Variants in MYLK3 observed in about 807,000 individuals in gnomAD.
MYLK3 encodes the protein myosin light chain kinase 3.
A neutral mutation model predicts 76.3 loss-of-function variants in MYLK3; 55 were observed. The ratio of observed to expected loss-of-function variants is 0.72; its 90% CI spans 0.58 to 0.90. The LOEUF (loss-of-function observed/expected upper bound fraction) is 0.90. Among genes scored for constraint, MYLK3 ranks in the 40% least tolerant of loss-of-function variants. The pLI is 0.00. For synonymous variants in MYLK3, 416 were observed against 425.4 expected, an observed-to-expected ratio of 0.98 and a Z score of 0.27; for missense variants, 973 against 1,053.6, an observed-to-expected ratio of 0.92 and a Z score of 1.06.
chr16:46,736,781 G>A (rs1294025631), intron 3 of MYLK3, among the ~76,000 whole-genome samples: 4 of 152,196 alleles, frequency 2.6e-5, no homozygotes, highest in East Asian at 3.9e-4. Flanking sequence ...CTAGGCAGGC[G>A]CAGAAGATGC....
intron 1 of MYLK3, among the ~76,000 whole-genome samples, chr16:46,758,401 G>C (rs151309458): frequency 6.6e-6 from 1 of 150,580 alleles, no homozygotes; most frequent in Admixed American, 6.6e-5. Context: ...CAGGGCTGTC[G>C]GCTTCTGTAC....
At chr16:46,730,804 G>A in intron 4 of MYLK3, 106 bp from the exon 5 acceptor site, 1 of 888,592 alleles carries the variant, frequency 1.1e-6, no homozygotes, top group Non-Finnish European at 1.9e-6. Context: ...CAGGCCCTAT[G>A]TACAGCCCTG....
At chr16:46,735,458 G>A (rs183289382) in intron 3 of MYLK3, among the ~76,000 whole-genome samples, 1 of 152,158 alleles carries the variant, frequency 6.6e-6, no homozygotes, top group East Asian at 1.9e-4. Flanking sequence ...CGCCCGCCTC[G>A]GCCTCCCAAA....
In MYLK3 at chr16:46,727,371, G is replaced by A. The variant is rs755341155; in HGVS notation, c.1779C>T (p.Asp593=). 69 of 1,607,614 alleles carry A rather than the reference G, an allele frequency of 4.3e-5. No homozygotes were observed. Among genetic ancestry groups the A allele is most frequent in the South Asian group, 1.4e-4 (13 of 90,624 alleles). ...HSCTLVMEYV[D]GGELFDRITD... is the part of the protein sequence containing the mutation. ...TGATCCGGTCGAAGAGCTCACCCCC[G>A]TCCACGCTGCCAGAGCAAAGGGAGA... Residue 593 remains aspartate, a synonymous_variant, in exon 8 of 13, where the codon GAC becomes GAT. Coordinates refer to ENST00000394809, the MANE Select transcript of MYLK3 (RefSeq NM_182493.3).
At chr16:46,711,078 C>T in intron 10 of MYLK3, 1 of 415,386 alleles carries the variant, frequency 2.4e-6, no homozygotes, top group Admixed American at 3.8e-5. Context: ...TAGGGCCCAA[C>T]TTGGTATGCC....
intron 1 of MYLK3, among the ~76,000 whole-genome samples, 199 bp downstream of exon 1, chr16:46,747,518 C>G (rs1967048438): frequency 6.6e-6 from 1 of 152,256 alleles, no homozygotes; most frequent in Admixed American, 6.5e-5. Flanking sequence ...TTCTTCCCTT[C>G]CCTGGGGAGA....
intron 10 of MYLK3, 133 bp from the exon 11 acceptor site, chr16:46,710,922 C>A: frequency 3.1e-6 from 3 of 962,306 alleles, no homozygotes; most frequent in Non-Finnish European, 4.8e-6. Flanking sequence ...AGCACCTCCA[C>A]TACTTCTCCA....
In MYLK3 at chr16:46,724,938, C is replaced by T. The variant is rs74016167; in HGVS notation, c.1914+2298G>A. ...AATCCATGACCATGGCATGCCTTTC[C>T]ATTTATTTAGGTCTTTGAATTATCT... is the stretch of plus-strand genomic sequence containing the variant. On this transcript the variant is annotated intron_variant, in intron 8 of 12. Coordinates refer to ENST00000394809, the MANE Select transcript of MYLK3 (RefSeq NM_182493.3). Among the ~76,000 whole-genome samples the T allele has an allele frequency of 7.8e-3, 1,182 of 152,168 alleles. 18 individuals are homozygous for T. Among genetic ancestry groups the T allele is most frequent in the African/African-American group, 0.027 (1,102 of 41,524 alleles).
intron 3 of MYLK3, among the ~76,000 whole-genome samples, chr16:46,735,127 T>A (rs1233295802): frequency 1.3e-5 from 2 of 151,158 alleles, no homozygotes; most frequent in Non-Finnish European, 2.9e-5. Context: ...GGTGACAGAG[T>A]GAGACCCTGT....
intron 1 of MYLK3, among the ~76,000 whole-genome samples, chr16:46,753,392 G>A (rs1234285952): frequency 6.6e-6 from 1 of 152,188 alleles, no homozygotes; most frequent in African/African-American, 2.4e-5. Context: ...GGCTTTTGGG[G>A]TTCCTCAGGA....
chr16:46,721,085 A>C, intron 9 of MYLK3, 38 bp downstream of exon 9: 19 of 1,581,880 alleles, frequency 1.2e-5, no homozygotes, highest in East Asian at 2.2e-5. Context: ...AAGAGTCCCA[A>C]GGAATTTTGT....
chr16:46,736,601 C>A (rs970114240), intron 3 of MYLK3, among the ~76,000 whole-genome samples: 2 of 152,154 alleles, frequency 1.3e-5, no homozygotes, highest in Non-Finnish European at 2.9e-5. Context: ...GGGATGCCTG[C>A]CAGGAACCCC....
intron 1 of MYLK3, among the ~76,000 whole-genome samples, chr16:46,754,313 GA>G (rs367763916): frequency 0.04 from 5,595 of 138,250 alleles, 111 homozygotes; most frequent in East Asian, 0.059. Context: ...AAATTTAAAA[GA>G]AAAAAAAAAA....
chr16:46,745,560 A>G (rs535914609), intron 1 of MYLK3, among the ~76,000 whole-genome samples: 13 of 152,184 alleles, frequency 8.5e-5, no homozygotes, highest in Non-Finnish European at 1.8e-4. Context: ...CCTGGCCAAC[A>G]TGGTGAAACC....
In MYLK3 at chr16:46,702,938, A is replaced by T. The variant is rs1211807524; in HGVS notation, c.*4766T>A. On this transcript the variant is annotated 3_prime_UTR_variant, in exon 13 of 13. Coordinates refer to ENST00000394809, the MANE Select transcript of MYLK3 (RefSeq NM_182493.3). ...CCATCTTGGAAAGAAAAAAAAAAAA[A>T]GGAATACATGCTCATTGTAAAAAAA... is the stretch of plus-strand genomic sequence containing the variant. Among the ~76,000 whole-genome samples the T allele has an allele frequency of 2.0e-5, 3 of 147,006 alleles. No individual in the cohort carries two copies. Among genetic ancestry groups the T allele is most frequent in the Non-Finnish European group, 4.5e-5 (3 of 67,202 alleles).
At chr16:46,710,826 C>G in intron 10 of MYLK3, 37 bp from the exon 11 acceptor site, 2 of 1,612,562 alleles carry the variant, frequency 1.2e-6, no homozygotes, top group Non-Finnish European at 1.7e-6. Context: ...TAGGTGGAGG[C>G]CACATTTGCC....
Position 46,728,343 on chromosome 16 carries a change from T to G in MYLK3, c.1772+681A>C, listed in dbSNP as rs147834770. ...AAAGGCAGGCCCGGCATTTACTACA[T>G]CTTTTATGTTTTCAAGAAAAGCCAG... On this transcript the variant is annotated intron_variant, in intron 7 of 12. Coordinates refer to ENST00000394809, the MANE Select transcript of MYLK3 (RefSeq NM_182493.3). Among the ~76,000 whole-genome samples the G allele has an allele frequency of 6.0e-3, 914 of 152,208 alleles. 5 individuals carry two copies. The highest frequency in any genetic ancestry group is 0.034 in the Middle Eastern group (10 of 294).
intron 9 of MYLK3, among the ~76,000 whole-genome samples, chr16:46,714,941 G>T (rs1486579902): frequency 1.3e-5 from 2 of 152,192 alleles, no homozygotes; most frequent in Non-Finnish European, 2.9e-5. Context: ...GCCCTGATTT[G>T]TAGCATTTGC....
At chr16:46,744,659 A>G (rs1354647078) in intron 1 of MYLK3, among the ~76,000 whole-genome samples, 1 of 152,042 alleles carries the variant, frequency 6.6e-6, no homozygotes, top group Admixed American at 6.6e-5. Context: ...TTTTTAAAGT[A>G]TAAGATAATC....
Sources: allele counts gnomAD v4.1 joint callset (sites outside exome capture counted in the v4.1 genomes callset), GRCh38; gene constraint gnomAD v4.1.1; transcripts MANE v1.5; gene names NCBI Gene and HGNC (gene_info 2026-07-23, HGNC 2026-07-21).